The following EHBP1 variants were observed in gnomAD, a reference collection of about 807,000 sequenced individuals.
EHBP1 encodes EH domain binding protein 1, also known as EH domain-binding protein 1.
EHBP1 carries 55 observed loss-of-function variants against 144.0 expected under a neutral mutation model. The ratio of observed to expected loss-of-function variants is 0.38; its 90% CI spans 0.31 to 0.48. The LOEUF is 0.48. EHBP1 is among the 20% of genes least tolerant of loss of function. EHBP1 has a pLI of 0.98. For synonymous variants in EHBP1, 469 were observed against 472.7 expected, an observed-to-expected ratio of 0.99 and a Z score of 0.10; for missense variants, 1,200 against 1,364.2, an observed-to-expected ratio of 0.88 and a Z score of 1.90.
At chr2:62,946,744 G>A (rs1186039938) in intron 12 of EHBP1, among the ~76,000 whole-genome samples, 11 of 152,154 alleles carry the variant, frequency 7.2e-5, no homozygotes, top group Non-Finnish European at 1.5e-4. Flanking sequence ...GGCAGAAGAG[G>A]TTAACCTATG....
At chr2:63,034,449 G>C (rs2061380152) in intron 19 of EHBP1, among the ~76,000 whole-genome samples, 1 of 152,022 alleles carries the variant, frequency 6.6e-6, no homozygotes, top group Admixed American at 6.6e-5. Context: ...TTTTGAAAAA[G>C]AGGTAGTTAA....
intron 10 of EHBP1, among the ~76,000 whole-genome samples, chr2:62,931,824 G>A (rs868175593): frequency 5.9e-5 from 9 of 152,060 alleles, no homozygotes; most frequent in South Asian, 2.1e-4. Context: ...TTGAAAAAGC[G>A]AAGTATGATA....
intron 5 of EHBP1, among the ~76,000 whole-genome samples, chr2:62,783,199 C>T (rs1216417317): frequency 6.6e-6 from 1 of 152,232 alleles, no homozygotes; most frequent in Non-Finnish European, 1.5e-5. Flanking sequence ...ACTTGGGCAG[C>T]TCCACCTCTG....
At chr2:62,696,514 T>C (rs1379340793) in intron 1 of EHBP1, among the ~76,000 whole-genome samples, 2 of 123,844 alleles carry the variant, frequency 1.6e-5, no homozygotes, top group East Asian at 4.3e-4. Flanking sequence ...TCTTCTTTTT[T>C]TTTTTTTTTT....
At chr2:62,945,711 C>T (rs183621702) in intron 12 of EHBP1, among the ~76,000 whole-genome samples, 147 of 152,266 alleles carry the variant, frequency 9.7e-4, no homozygotes, top group African/African-American at 3.4e-3. Flanking sequence ...CATCATGCCA[C>T]TGCTTTCCAG....
chr2:62,759,282 A>G (rs949234917), intron 3 of EHBP1, among the ~76,000 whole-genome samples: 4 of 152,182 alleles, frequency 2.6e-5, no homozygotes, highest in African/African-American at 9.7e-5. Flanking sequence ...TAACTATACT[A>G]AGGAGCCAAA....
chr2:62,813,455 G>A (rs2045192474), intron 5 of EHBP1, among the ~76,000 whole-genome samples: 1 of 152,200 alleles, frequency 6.6e-6, no homozygotes, highest in Non-Finnish European at 1.5e-5. Flanking sequence ...GGAGCCATGG[G>A]AGCAAGGTTA....
intron 10 of EHBP1, among the ~76,000 whole-genome samples, chr2:62,932,625 ATG>A (rs2056091043): frequency 6.6e-6 from 1 of 152,202 alleles, no homozygotes. Flanking sequence ...TTTCAAAACA[ATG>A]TGAATATACT....
intron 10 of EHBP1, among the ~76,000 whole-genome samples, chr2:62,919,478 A>G (rs2054894243): frequency 1.3e-5 from 2 of 152,230 alleles, no homozygotes; most frequent in Admixed American, 6.5e-5. Context: ...TCCTCAGTAC[A>G]GGAACCACCT....
At chr2:62,862,088 AT>A (rs1474270477) in intron 8 of EHBP1, among the ~76,000 whole-genome samples, 2 of 152,170 alleles carry the variant, frequency 1.3e-5, no homozygotes, top group African/African-American at 2.4e-5. Flanking sequence ...TTTGAATATT[AT>A]CATGGTATTA....
intron 19 of EHBP1, among the ~76,000 whole-genome samples, chr2:62,997,547 T>C (rs148399825): frequency 2.0e-5 from 3 of 151,894 alleles, no homozygotes; most frequent in East Asian, 1.9e-4. Flanking sequence ...TTATAAGTTA[T>C]ATTAAGAAAA....
At chr2:62,748,732 T>C (rs781339793) in intron 3 of EHBP1, among the ~76,000 whole-genome samples, 3 of 152,142 alleles carry the variant, frequency 2.0e-5, no homozygotes, top group Non-Finnish European at 2.9e-5. Flanking sequence ...AGAATGTTTA[T>C]TGAATGTTGG....
intron 10 of EHBP1, among the ~76,000 whole-genome samples, chr2:62,905,295 T>C (rs879772722): frequency 6.6e-6 from 1 of 152,160 alleles, no homozygotes; most frequent in Non-Finnish European, 1.5e-5. Flanking sequence ...GGACACTTTA[T>C]GCTCAGAGGA....
chr2:62,985,285 TG>T (rs1483452904), intron 15 of EHBP1, among the ~76,000 whole-genome samples: 1 of 152,126 alleles, frequency 6.6e-6, no homozygotes. Context: ...AGACCACTTT[TG>T]CTTTCACATA....
chr2:62,758,041 G>A lies in EHBP1; in HGVS notation c.163-6225G>A, dbSNP rs141008890. On this transcript the variant is annotated intron_variant, in intron 3 of 22. Coordinates refer to ENST00000431489, the MANE Select transcript of EHBP1 (RefSeq NM_001142616.3). ...AAAAAAAAAAAAAATTTACTTCTCAGTTTATTGCTCACTCTTTTTTGAGGT... is the reference window on the plus strand; with the variant it reads ...AAAAAAAAAAAAAATTTACTTCTCAATTTATTGCTCACTCTTTTTTGAGGT... 8.5e-4 allele frequency among the ~76,000 whole-genome samples: 130 copies of A among 152,052 alleles called. 2 individuals are homozygous for A. Among genetic ancestry groups the A allele is most frequent in the African/African-American group, 2.9e-3 (119 of 41,502 alleles).
chr2:63,018,394 CCAT>C (rs954432614), intron 19 of EHBP1, among the ~76,000 whole-genome samples: 2 of 152,020 alleles, frequency 1.3e-5, no homozygotes, highest in Admixed American at 1.3e-4. Flanking sequence ...ATTATTTAGA[CCAT>C]TTAAGAAGGA....
At chr2:63,043,917 G>GTTTTTTTTTTTT (rs1559110359) in intron 21 of EHBP1, 4 of 36,198 alleles carry the variant, frequency 1.1e-4, no homozygotes, top group African/African-American at 4.3e-4. Context: ...AGTGGCCATG[G>GTTTTTTTTTTTT]TTCTTTTTTT....
chr2:62,781,050 A>G (rs989658063), intron 5 of EHBP1, among the ~76,000 whole-genome samples: 1 of 152,194 alleles, frequency 6.6e-6, no homozygotes, highest in African/African-American at 2.4e-5. Flanking sequence ...TGTGACAGAT[A>G]CTTGCTACAT....
At chr2:62,834,569 ATAGAC>A (rs1255522334) in intron 7 of EHBP1, among the ~76,000 whole-genome samples, 1 of 152,250 alleles carries the variant, frequency 6.6e-6, no homozygotes. Flanking sequence ...TGCACACTTA[ATAGAC>A]TATAGTATAA....
Sources: gnomAD v4.1 joint callset for allele counts (sites outside exome capture counted in the v4.1 genomes callset) on GRCh38, gnomAD v4.1.1 for gene constraint, MANE v1.5 for transcripts, NCBI Gene and HGNC (gene_info 2026-07-23, HGNC 2026-07-21) for gene names.